SLC5A3: variants seen among roughly 807,000 people sequenced by gnomAD.
SLC5A3 encodes sodium/myo-inositol cotransporter.
In SLC5A3, 10 loss-of-function variants were observed where a neutral mutation model predicts 43.2. That is an observed-to-expected ratio of 0.23 (90% CI 0.14 to 0.39). The LOEUF (loss-of-function observed/expected upper bound fraction) is 0.39, where lower values mean the gene tolerates loss of function less well. Among genes scored for constraint, SLC5A3 ranks in the 10% least tolerant of loss-of-function variants. The pLI is 1.00. For synonymous variants in SLC5A3, 349 were observed against 322.0 expected (o/e 1.08, Z -0.90); for missense variants, 608 against 893.4 (o/e 0.68, Z 4.07).
intron 1 of SLC5A3, among the ~76,000 whole-genome samples, chr21:34,083,658 A>G (rs1365381138): frequency 5.3e-5 from 8 of 152,180 alleles, no homozygotes. Flanking sequence ...AGTTGTATGA[A>G]GTATAGTATC....
chr21:34,086,517 TTGTGTGTGTGTGTGTGTGTG>T (rs34988334), intron 1 of SLC5A3, among the ~76,000 whole-genome samples: 1 of 148,274 alleles, frequency 6.7e-6, no homozygotes, highest in Admixed American at 6.7e-5. Context: ...TAGTTTGTGT[TTGTGTGTGTGTGTGTGTGTG>T]TGTGTGTGTG....
At position 34,106,220 on chromosome 21, in the gene SLC5A3, T is replaced by G. The variant is rs1979469724; in HGVS notation, c.*8865T>G. The G allele has an allele frequency of 1.0e-6, 1 of 960,294 alleles. No homozygotes were observed. The highest frequency in any genetic ancestry group is 1.8e-5 in the African/African-American group (1 of 56,496). 59.5% of individuals were successfully genotyped at this position (960,294 alleles called of 1,614,324 possible). On this transcript the variant is annotated 3_prime_UTR_variant, in exon 2 of 2. Transcript: ENST00000381151. ...GTATAGTAATTATTTTATGGAAATG[T>G]TAGCAATTCTGTACCAACTTTGAAT...
At position 34,095,123 on chromosome 21, in the gene SLC5A3, T is replaced by C; in HGVS notation, c.-76T>C. ...CCAGTTCACGTATGGTTTACAGACT[T>C]GGCTGGGGTTACTAAAAATAAATAA... On this transcript the variant is annotated 5_prime_UTR_variant, in exon 2 of 2. Coordinates refer to ENST00000381151, the MANE Select transcript of SLC5A3 (RefSeq NM_006933.7). The C allele has an allele frequency of 6.5e-7, 1 of 1,535,628 alleles. No individual in the cohort carries two copies. The highest frequency in any genetic ancestry group is 8.7e-7 in the Non-Finnish European group (1 of 1,142,924).
Position 34,102,776 on chromosome 21 carries a change from GA to G in SLC5A3, c.*5425del. ...AACAGTGGTTTTGCTCTATACCACT[GA>G]AAAGCACTATAACATAATTGTTGTC... On this transcript the variant is annotated 3_prime_UTR_variant, in exon 2 of 2. Coordinates refer to ENST00000381151, the MANE Select transcript of SLC5A3 (RefSeq NM_006933.7). 13 of 1,000,062 alleles carry G rather than the reference GA, an allele frequency of 1.3e-5. No homozygotes were observed. The highest frequency in any genetic ancestry group is 1.6e-5 in the Non-Finnish European group (13 of 829,876). 61.9% of individuals were successfully genotyped at this position (1,000,062 alleles called of 1,614,324 possible).
Position 34,105,011 on chromosome 21 carries a change from TCTAA to T in SLC5A3, c.*7659_*7662del. The T allele has an allele frequency of 2.0e-6, 2 of 1,000,106 alleles. No homozygotes were observed. 62.0% of individuals were successfully genotyped at this position (1,000,106 alleles called of 1,614,324 possible). On this transcript the variant is annotated 3_prime_UTR_variant, in exon 2 of 2. Coordinates refer to ENST00000381151, the MANE Select transcript of SLC5A3 (RefSeq NM_006933.7). ...AGTTTTCTAATTTCACTGTGAGATC[TCTAA>T]CTTTTGAGTGGCAAACAGATCAAGT...
intron 1 of SLC5A3, among the ~76,000 whole-genome samples, chr21:34,080,743 A>G (rs1301069552): frequency 6.6e-6 from 1 of 152,194 alleles, no homozygotes; most frequent in Non-Finnish European, 1.5e-5. Flanking sequence ...TGAGTCTTTC[A>G]TGTTTGTTCT....
At position 34,104,389 on chromosome 21, in the gene SLC5A3, G is replaced by A. The variant is rs1979384954; in HGVS notation, c.*7034G>A. The A allele has an allele frequency of 1.0e-6, 1 of 1,000,040 alleles. No homozygotes were observed. Among genetic ancestry groups the A allele is most frequent in the Non-Finnish European group, 1.2e-6 (1 of 829,974 alleles). 61.9% of individuals were successfully genotyped at this position (1,000,040 alleles called of 1,614,324 possible). A position where few individuals can be genotyped will look rare whatever the true frequency, so the allele number is the denominator to read the frequency against. On this transcript the variant is annotated 3_prime_UTR_variant, in exon 2 of 2. Transcript: ENST00000381151. The stretch of plus-strand genomic sequence containing the variant: ...CACCTCCTCACTTCACCTCCGAGTA[G>A]CTTGTTTATCAAGAATGAATGAATG...
At position 34,101,088 on chromosome 21, in the gene SLC5A3, G is replaced by A. The variant is rs1265085263; in HGVS notation, c.*3733G>A. The A allele has an allele frequency of 7.0e-6, 7 of 999,880 alleles. No homozygotes were observed. Among genetic ancestry groups the A allele is most frequent in the South Asian group, 4.7e-5 (1 of 21,292 alleles). 61.9% of individuals were successfully genotyped at this position (999,880 alleles called of 1,614,324 possible). On this transcript the variant is annotated 3_prime_UTR_variant, in exon 2 of 2. Coordinates refer to ENST00000381151, the MANE Select transcript of SLC5A3 (RefSeq NM_006933.7). ...TACAAGACCTTTCCTGTTAAATTAC[G>A]TGACTACAGAGACTTGCCAGGACAA...
intron 1 of SLC5A3, among the ~76,000 whole-genome samples, chr21:34,086,277 G>A (rs1602914053): frequency 6.6e-6 from 1 of 152,244 alleles, no homozygotes; most frequent in East Asian, 1.9e-4. Context: ...CATCAAGAGG[G>A]ACACATGTCT....
At chr21:34,074,347 C>T (rs768060135) in intron 1 of SLC5A3, among the ~76,000 whole-genome samples, 1 of 152,232 alleles carries the variant, frequency 6.6e-6, no homozygotes, top group Non-Finnish European at 1.5e-5. Context: ...AATCTTTTGA[C>T]TTTTCTTTTT....
intron 1 of SLC5A3, among the ~76,000 whole-genome samples, chr21:34,077,340 T>C (rs1354931796): frequency 1.3e-5 from 2 of 152,228 alleles, no homozygotes; most frequent in Non-Finnish European, 2.9e-5. Flanking sequence ...GAAAGAAATC[T>C]GTGCAATACA....
Position 34,098,445 on chromosome 21 carries a change from T to A in SLC5A3, c.*1090T>A. 1.0e-6 allele frequency: 1 copy of A among 1,000,044 alleles called. No homozygotes were observed. Among genetic ancestry groups the A allele is most frequent in the Non-Finnish European group, 1.2e-6 (1 of 829,868 alleles). The allele number at this position is 1,000,044 out of a possible 1,614,324, so 61.9% of individuals were successfully genotyped here. A position where few individuals can be genotyped will look rare whatever the true frequency, so the allele number is the denominator to read the frequency against. ...TTAATTCTGATATCTTATTGCATCC[T>A]TGATAAGTTTTTCCCTGATTTTTTT... On this transcript the variant is annotated 3_prime_UTR_variant, in exon 2 of 2. Coordinates refer to ENST00000381151, the MANE Select transcript of SLC5A3 (RefSeq NM_006933.7).
At chr21:34,093,884 C>T (rs1264442603) in intron 1 of SLC5A3, among the ~76,000 whole-genome samples, 2 of 152,062 alleles carry the variant, frequency 1.3e-5, no homozygotes, top group Non-Finnish European at 2.9e-5. Flanking sequence ...TCTAATGGTC[C>T]ACAAATGTCT....
chr21:34,096,498 G>A lies in SLC5A3; in HGVS notation c.1300G>A (p.Gly434Arg). The change falls in exon 2 of 2, where the codon GGA becomes AGA. Residue 434 changes from glycine to arginine, a missense_variant. Physicochemically the swap from Gly to Arg is moderately radical, Grantham distance 125. Coordinates refer to ENST00000381151, the MANE Select transcript of SLC5A3 (RefSeq NM_006933.7). This position sits in a 1 kb window ranked among gnomAD's most constrained non-coding sequence, Gnocchi z 5.9. Reference protein sequence around the residue: ...AWVPIIVEMQGGQMYLYIQEV... With the variant: ...AWVPIIVEMQRGQMYLYIQEV... ...GGTGCCAATCATCGTGGAGATGCAA[G>A]GAGGCCAGATGTACCTTTACATTCA... 1 of 1,614,190 alleles carries A rather than the reference G, an allele frequency of 6.2e-7. No homozygotes were observed. The highest frequency in any genetic ancestry group is 8.5e-7 in the Non-Finnish European group (1 of 1,180,024).
intron 1 of SLC5A3, among the ~76,000 whole-genome samples, chr21:34,093,030 T>C (rs1475152041): frequency 1.3e-5 from 2 of 152,212 alleles, no homozygotes; most frequent in Non-Finnish European, 2.9e-5. Flanking sequence ...GCTTCCCTTA[T>C]GCAGAAACAT....
chr21:34,102,128 T>C lies in SLC5A3; in HGVS notation c.*4773T>C, dbSNP rs1979264881. On this transcript the variant is annotated 3_prime_UTR_variant, in exon 2 of 2. Transcript: ENST00000381151. ...TTTCTTCTGTCAAGGTCACTTAATA[T>C]GGAATGTTTTTGTCAGACTGTCCTT... 1 of 1,000,164 alleles carries C rather than the reference T, an allele frequency of 1.0e-6. No homozygotes were observed. The highest frequency in any genetic ancestry group is 1.2e-6 in the Non-Finnish European group (1 of 829,902). The allele number at this position is 1,000,164 out of a possible 1,614,324, so 62.0% of individuals were successfully genotyped here.
chr21:34,090,370 G>A (rs1978623388), intron 1 of SLC5A3, among the ~76,000 whole-genome samples: 1 of 152,186 alleles, frequency 6.6e-6, no homozygotes, highest in Admixed American at 6.5e-5. Flanking sequence ...TAGAACTTGA[G>A]TCAAGGTGAC....
chr21:34,081,172 G>T (rs1989450588), intron 1 of SLC5A3, among the ~76,000 whole-genome samples: 1 of 152,028 alleles, frequency 6.6e-6, no homozygotes, highest in Admixed American at 6.5e-5. Flanking sequence ...GTTTTACAAG[G>T]ATCTTTTAAA....
chr21:34,094,596 A>G (rs1345352027), intron 1 of SLC5A3, among the ~76,000 whole-genome samples: 1 of 152,222 alleles, frequency 6.6e-6, no homozygotes, highest in African/African-American at 2.4e-5. Flanking sequence ...TGTGGTAGGC[A>G]GTTAGCTGCT....
Sources: gnomAD v4.1 joint callset for allele counts (sites outside exome capture counted in the v4.1 genomes callset) on GRCh38, gnomAD v4.1.1 for gene constraint, Gnocchi (gnomAD v3.1) non-coding constraint, MANE v1.5 for transcripts, NCBI Gene and HGNC (gene_info 2026-07-23, HGNC 2026-07-21) for gene names.